Variants in SVOPL observed in about 807,000 individuals in gnomAD.
SVOPL encodes the protein SVOP like, also known as putative transporter SVOPL.
A neutral mutation model predicts 61.0 loss-of-function variants in SVOPL; 60 were observed. The observed-to-expected ratio is 0.98, with a 90% CI of 0.80 to 1.22. The LOEUF (loss-of-function observed/expected upper bound fraction) is 1.22, where lower values mean the gene tolerates loss of function less well. Ranked by LOEUF, SVOPL falls within the 50% of genes most tolerant of loss-of-function variation. The pLI is 0.00. For synonymous variants in SVOPL, 279 were observed against 250.0 expected (o/e 1.12, Z -1.09); for missense variants, 662 against 643.9 (o/e 1.03, Z -0.30).
chr7:138,674,557 C>T (rs999603706), intron 3 of SVOPL, among the ~76,000 whole-genome samples: 37 of 149,710 alleles, frequency 2.5e-4, no homozygotes, highest in African/African-American at 8.2e-4. Context: ...AGAATTCCCA[C>T]GACTGTAAGA....
chr7:138,643,053 T>C (rs1161055691), intron 9 of SVOPL, among the ~76,000 whole-genome samples: 1 of 152,186 alleles, frequency 6.6e-6, no homozygotes, highest in Non-Finnish European at 1.5e-5. Context: ...CACAGTATGG[T>C]GATTCCTCAA....
At chr7:138,666,377 C>G (rs960535937) in intron 4 of SVOPL, among the ~76,000 whole-genome samples, 2 of 152,168 alleles carry the variant, frequency 1.3e-5, no homozygotes, top group Non-Finnish European at 2.9e-5. Flanking sequence ...TATTACAAGT[C>G]TAAGTAAAAA....
intron 9 of SVOPL, among the ~76,000 whole-genome samples, chr7:138,636,857 T>G (rs1324180617): frequency 6.6e-6 from 1 of 152,190 alleles, no homozygotes; most frequent in Admixed American, 6.6e-5. Context: ...AAAATTTTTC[T>G]AGTAAAATAA....
Position 138,655,056 on chromosome 7 carries a change from G to A in SVOPL, c.534+1392C>T, listed in dbSNP as rs969201845. Among the ~76,000 whole-genome samples, 6 of 151,892 alleles carry A rather than the reference G, an allele frequency of 4.0e-5. No homozygotes were observed. The East Asian group carries it at 1.2e-3, about 29-fold the overall frequency. On this transcript the variant is annotated intron_variant, in intron 7 of 15. Transcript: ENST00000674285. ...AAATACAACAATCAGCTGGCGTAGT[G>A]ATGCGCACCTGTAATCCCAGTTACT... is the stretch of plus-strand genomic sequence containing the variant.
At chr7:138,616,354 G>A (rs866309988) in intron 14 of SVOPL, among the ~76,000 whole-genome samples, 2 of 79,272 alleles carry the variant, frequency 2.5e-5, no homozygotes, top group African/African-American at 1.0e-4. Flanking sequence ...TTTTTTTTTT[G>A]AGATGGAGTT....
chr7:138,621,045 C>A lies in SVOPL; in HGVS notation c.1353+1G>T. 1 of 1,613,434 alleles carries A rather than the reference C, an allele frequency of 6.2e-7. No homozygotes were observed. On this transcript the variant is annotated splice_donor_variant, in intron 14 of 15. Transcript: ENST00000674285. LOFTEE classifies it high-confidence loss of function. The stretch of plus-strand genomic sequence containing the variant: ...TCTCCCTGCAGGGTCCTTGGCTGTA[C>A]CTGGGATATAAATGGTGCCACCATT...
chr7:138,652,317 G>A (rs1195630615), intron 7 of SVOPL, among the ~76,000 whole-genome samples: 1 of 152,092 alleles, frequency 6.6e-6, no homozygotes, highest in East Asian at 1.9e-4. Flanking sequence ...CTCCCAAAGT[G>A]CTGGGATTCC....
chr7:138,616,754 G>A (rs1563091664), intron 14 of SVOPL, among the ~76,000 whole-genome samples: 2 of 152,102 alleles, frequency 1.3e-5, no homozygotes, highest in African/African-American at 4.8e-5. Flanking sequence ...ATCTTAAAAT[G>A]TTCTTAAAGT....
intron 14 of SVOPL, among the ~76,000 whole-genome samples, chr7:138,609,590 T>C (rs1484043748): frequency 2.6e-5 from 4 of 151,910 alleles, no homozygotes; most frequent in Non-Finnish European, 4.4e-5. Flanking sequence ...GCCCAGGAAG[T>C]TGAGGTGGCA....
chr7:138,602,289 A>G (rs1352637125), intron 14 of SVOPL, among the ~76,000 whole-genome samples: 1 of 152,126 alleles, frequency 6.6e-6, no homozygotes, highest in Admixed American at 6.6e-5. Flanking sequence ...TAAATAGCAG[A>G]AAAAAATAAA....
intron 1 of SVOPL, among the ~76,000 whole-genome samples, chr7:138,691,411 T>C (rs1802939659): frequency 6.6e-6 from 1 of 152,190 alleles, no homozygotes; most frequent in Admixed American, 6.6e-5. Context: ...ATTTTAACAA[T>C]CTTAAAGGTT....
rs1801293999 is a variant in SVOPL at position 138,649,130 on chromosome 7, C to T, written c.542G>A (p.Trp181Ter). 5 of 1,612,052 alleles carry T rather than the reference C, an allele frequency of 3.1e-6. No homozygotes were observed. The highest frequency in any genetic ancestry group is 3.4e-6 in the Non-Finnish European group (4 of 1,179,462). ...GYMLPLSQVF[W>*]LAGSLLIIGL... ...AATGATGAGCAGGGAGCCCGCAAGC[C>T]AGAACACCTAGGAAGAGAGAAGTCC... is the stretch of plus-strand genomic sequence containing the variant. The change falls in exon 8 of 16, where the codon TGG becomes TAG. Residue 181 changes from tryptophan (W) to a stop codon, truncating the protein, a stop_gained. Coordinates refer to ENST00000674285, the MANE Select transcript of SVOPL (RefSeq NM_001139456.2). LOFTEE classifies it high-confidence loss of function.
intron 4 of SVOPL, chr7:138,663,459 T>C: frequency 8.3e-7 from 1 of 1,200,448 alleles, no homozygotes; most frequent in South Asian, 2.3e-5. Context: ...CCACTGTAAT[T>C]TTTAAAATTG....
intron 8 of SVOPL, among the ~76,000 whole-genome samples, chr7:138,645,259 C>T (rs780666179): frequency 2.0e-5 from 3 of 152,084 alleles, no homozygotes; most frequent in Non-Finnish European, 2.9e-5. Flanking sequence ...AGCACCCACA[C>T]GGTGGAGGAA....
intron 7 of SVOPL, among the ~76,000 whole-genome samples, chr7:138,650,016 G>A (rs1200489666): frequency 2.0e-5 from 3 of 152,172 alleles, no homozygotes; most frequent in Non-Finnish European, 4.4e-5. Flanking sequence ...GTTTTTAGTA[G>A]AGACAGTGTT....
At chr7:138,681,762 G>A (rs1250659237) in intron 1 of SVOPL, among the ~76,000 whole-genome samples, 1 of 152,160 alleles carries the variant, frequency 6.6e-6, no homozygotes, top group African/African-American at 2.4e-5. Context: ...GGCGGAGGTT[G>A]CAGTGAGCCA....
intron 6 of SVOPL, among the ~76,000 whole-genome samples, chr7:138,657,130 A>G (rs1280785966): frequency 5.9e-5 from 8 of 135,380 alleles, no homozygotes; most frequent in East Asian, 2.3e-4. Context: ...CCCTTTTCTT[A>G]TTTGTTTATT....
chr7:138,648,635 G>A (rs1235113807), intron 8 of SVOPL, among the ~76,000 whole-genome samples: 1 of 152,048 alleles, frequency 6.6e-6, no homozygotes, highest in African/African-American at 2.4e-5. Flanking sequence ...GTGAACCCGG[G>A]AGGCGGAGCT....
At chr7:138,648,575 G>T (rs1458404282) in intron 8 of SVOPL, among the ~76,000 whole-genome samples, 2 of 151,766 alleles carry the variant, frequency 1.3e-5, no homozygotes, top group Admixed American at 1.3e-4. Flanking sequence ...AGGCGCGGTG[G>T]TGGGCGCCTG....
Sources: gnomAD v4.1 joint callset for allele counts (sites outside exome capture counted in the v4.1 genomes callset) on GRCh38, gnomAD v4.1.1 for gene constraint, MANE v1.5 for transcripts, NCBI Gene and HGNC (gene_info 2026-07-23, HGNC 2026-07-21) for gene names.